Variants in CUEDC1 observed in about 807,000 individuals in gnomAD.
CUEDC1 encodes the protein CUE domain-containing protein 1.
CUEDC1 carries 30 observed loss-of-function variants against 43.7 expected under a neutral mutation model. The observed-to-expected ratio is 0.69, with a 90% CI of 0.51 to 0.93. CUEDC1 has a LOEUF of 0.93. CUEDC1 is among the 40% of genes least tolerant of loss of function. The probability of loss-of-function intolerance (pLI) is 0.00; values close to 1 mark genes in which losing one functional copy is unlikely to be tolerated. For synonymous variants in CUEDC1, 223 were observed against 223.6 expected (o/e 1.00, Z 0.02); for missense variants, 486 against 549.0 (o/e 0.89, Z 1.15).
At chr17:57,906,218 T>C (rs1206018409) in intron 1 of CUEDC1, among the ~76,000 whole-genome samples, 5 of 152,302 alleles carry the variant, frequency 3.3e-5, no homozygotes, top group Middle Eastern at 3.4e-3. Flanking sequence ...CATCAATAGA[T>C]AAATGGATAA....
At chr17:57,868,286 C>G (rs781244721) in intron 7 of CUEDC1, 43 bp from the exon 8 acceptor site, 1 of 1,558,692 alleles carries the variant, frequency 6.4e-7, no homozygotes, top group African/African-American at 1.4e-5. Context: ...CAGCAGCCAG[C>G]ACACCAGATG....
intron 2 of CUEDC1, among the ~76,000 whole-genome samples, chr17:57,880,585 G>A (rs1293603756): frequency 6.6e-6 from 1 of 152,154 alleles, no homozygotes; most frequent in East Asian, 1.9e-4. Context: ...GGCAAAGTCT[G>A]GGGTCCTGCT....
At chr17:57,867,912 C>T (rs2144913200) in intron 8 of CUEDC1, among the ~76,000 whole-genome samples, 1 of 152,336 alleles carries the variant, frequency 6.6e-6, no homozygotes, top group South Asian at 2.1e-4. Flanking sequence ...ACTTCTGGGC[C>T]TACAGAAGGG....
At chr17:57,895,596 G>C (rs941604534) in intron 1 of CUEDC1, among the ~76,000 whole-genome samples, 1 of 152,160 alleles carries the variant, frequency 6.6e-6, no homozygotes, top group Non-Finnish European at 1.5e-5. Flanking sequence ...TTCCACAACA[G>C]TCCCTCACTC....
At chr17:57,934,059 C>T (rs191040772) in intron 1 of CUEDC1, among the ~76,000 whole-genome samples, 63 of 152,150 alleles carry the variant, frequency 4.1e-4, no homozygotes, top group Admixed American at 3.2e-3. Flanking sequence ...AGTTTGAGAC[C>T]AGCCTGGGCT....
chr17:57,952,408 G>C (rs2075015572), intron 1 of CUEDC1, among the ~76,000 whole-genome samples: 1 of 152,128 alleles, frequency 6.6e-6, no homozygotes, highest in South Asian at 2.1e-4. Flanking sequence ...TGTATTTTTA[G>C]TAGAGACGGG....
Position 57,877,880 on chromosome 17 carries a change from G to A in CUEDC1, c.464+1731C>T, listed in dbSNP as rs1465002206. ...AGCCTGGATGACAGAGTGAGACTCC[G>A]ACTCAAAAAAAAAAAAAAAAAAAGT... On this transcript the variant is annotated intron_variant, in intron 3 of 10. Transcript: ENST00000577830. Among the ~76,000 whole-genome samples the A allele has an allele frequency of 1.2e-3, 115 of 94,940 alleles. 1 individual carries two copies. Among genetic ancestry groups the A allele is most frequent in the Admixed American group, 2.2e-3 (19 of 8,650 alleles). 62.3% of individuals were successfully genotyped at this position (94,940 alleles called of 152,430 possible).
intron 1 of CUEDC1, among the ~76,000 whole-genome samples, chr17:57,902,646 G>A (rs748836654): frequency 2.0e-5 from 3 of 152,228 alleles, no homozygotes; most frequent in Admixed American, 6.5e-5. Flanking sequence ...TCCCAAGATA[G>A]ATTATCCTCT....
At chr17:57,945,424 T>C (rs906248450) in intron 1 of CUEDC1, among the ~76,000 whole-genome samples, 1 of 152,218 alleles carries the variant, frequency 6.6e-6, no homozygotes, top group Non-Finnish European at 1.5e-5. Flanking sequence ...AATAAATAGG[T>C]TAAGCCCATT....
chr17:57,919,459 C>A (rs1374621555), intron 1 of CUEDC1, among the ~76,000 whole-genome samples: 3 of 152,126 alleles, frequency 2.0e-5, no homozygotes, highest in African/African-American at 7.2e-5. Flanking sequence ...GGATTACAGG[C>A]GTGTGCCCGG....
At chr17:57,886,818 T>TG (rs2074296084) in intron 1 of CUEDC1, among the ~76,000 whole-genome samples, 1 of 65,210 alleles carries the variant, frequency 1.5e-5, no homozygotes, top group Non-Finnish European at 3.3e-5. Context: ...ATTCTGGTTG[T>TG]TTTTTTTTTT....
chr17:57,902,371 G>A (rs949238517), intron 1 of CUEDC1, among the ~76,000 whole-genome samples: 1 of 152,172 alleles, frequency 6.6e-6, no homozygotes, highest in Non-Finnish European at 1.5e-5. Flanking sequence ...CTTGAACACT[G>A]CTTGCTGGTG....
intron 1 of CUEDC1, among the ~76,000 whole-genome samples, chr17:57,951,394 T>A (rs2075005472): frequency 6.6e-6 from 1 of 152,132 alleles, no homozygotes; most frequent in South Asian, 2.1e-4. Flanking sequence ...ACAACTAAGC[T>A]ATGATGAAAA....
chr17:57,885,599 G>T lies in CUEDC1; in HGVS notation c.-35C>A, dbSNP rs1313634109. On this transcript the variant is annotated 5_prime_UTR_variant, in exon 2 of 11. Coordinates refer to ENST00000577830, the MANE Select transcript of CUEDC1 (RefSeq NM_001271875.2). ...CCGCTTGGGGAAAATGTTTCTAGCC[G>T]GCCGCAAAGCCCCTTCCCCAGGGTC... The T allele has an allele frequency of 3.0e-6, 4 of 1,345,080 alleles. No individual in the cohort carries two copies. The highest frequency in any genetic ancestry group is 3.1e-5 in the African/African-American group (2 of 64,564). 83.3% of individuals were successfully genotyped at this position (1,345,080 alleles called of 1,614,324 possible). A position where few individuals can be genotyped will look rare whatever the true frequency, so the allele number is the denominator to read the frequency against.
chr17:57,919,201 C>T (rs1306869245), intron 1 of CUEDC1, among the ~76,000 whole-genome samples: 3 of 150,748 alleles, frequency 2.0e-5, no homozygotes, highest in East Asian at 4.0e-4. Flanking sequence ...TTTTGTGAGA[C>T]GGAGTTCTGC....
intron 1 of CUEDC1, among the ~76,000 whole-genome samples, chr17:57,925,877 G>A (rs1352730374): frequency 6.6e-6 from 1 of 152,178 alleles, no homozygotes; most frequent in Admixed American, 6.5e-5. Flanking sequence ...AGATGCTCTC[G>A]AGCTCAGCGT....
At chr17:57,914,849 C>T (rs2074621409) in intron 1 of CUEDC1, among the ~76,000 whole-genome samples, 1 of 152,204 alleles carries the variant, frequency 6.6e-6, no homozygotes, top group Admixed American at 6.5e-5. Context: ...AGCAGGAACT[C>T]TGAGTGGCAT....
Position 57,879,625 on chromosome 17 carries a change from CGGG to C in CUEDC1, c.447_449del (p.Pro150del), listed in dbSNP as rs1568032898. 1 of 1,592,800 alleles carries C rather than the reference CGGG, an allele frequency of 6.3e-7. No homozygotes were observed. The highest frequency in any genetic ancestry group is 1.8e-5 in the Admixed American group (1 of 54,490). ...CAGATTCTCACCGGGGAGGCGGAGT[CGGG>C]GGAGCCAGAGGGTAGGGCCGGTCGA... On this transcript the variant is annotated inframe_deletion, in exon 3 of 11. Transcript: ENST00000577830.
chr17:57,928,021 C>A (rs1005358001), intron 1 of CUEDC1, among the ~76,000 whole-genome samples: 1 of 152,220 alleles, frequency 6.6e-6, no homozygotes, highest in Non-Finnish European at 1.5e-5. Context: ...AACCCCTAGT[C>A]TATGCCACAG....
Sources: gnomAD v4.1 joint callset for allele counts (sites outside exome capture counted in the v4.1 genomes callset) on GRCh38, gnomAD v4.1.1 for gene constraint, MANE v1.5 for transcripts, NCBI Gene and HGNC (gene_info 2026-07-23, HGNC 2026-07-21) for gene names.